Variants in DCBLD2 observed in about 807,000 individuals in gnomAD.
DCBLD2 encodes the protein discoidin, CUB and LCCL domain containing 2.
DCBLD2 carries 54 observed loss-of-function variants against 86.8 expected under a neutral mutation model. The ratio of observed to expected loss-of-function variants is 0.62; its 90% CI spans 0.50 to 0.78. The LOEUF is 0.78. Ranked by LOEUF, DCBLD2 falls within the 30% of genes least tolerant of loss-of-function variation. DCBLD2 has a pLI of 0.00. For missense variants in DCBLD2, 908 were observed against 954.2 expected (o/e 0.95, Z 0.64); for synonymous variants, 354 against 341.3 (o/e 1.04, Z -0.41).
At chr3:98,819,477 C>T in intron 7 of DCBLD2, 60 bp from the exon 8 acceptor site, 2 of 1,556,914 alleles carry the variant, frequency 1.3e-6, no homozygotes, top group Middle Eastern at 1.7e-4. Context: ...GCATGTAGAC[C>T]TGCTCACTGA....
rs1269250609 is a variant in DCBLD2, at chr3:98,811,141, G to A, written c.1576+53C>T. ...TTTAAAAATGCCCGTGAAAACTTCA[G>A]TTAAGAACAAAACAATACTATGTAC... On this transcript the variant is annotated intron_variant, in intron 12 of 15. Coordinates refer to ENST00000326840, the MANE Select transcript of DCBLD2 (RefSeq NM_080927.4). 42 of 1,473,642 alleles carry A rather than the reference G, an allele frequency of 2.9e-5. No individual in the cohort carries two copies. In the South Asian group the frequency reaches 6.2e-4, roughly 22 times the overall value. The allele number at this position is 1,473,642 out of a possible 1,614,324, so 91.3% of individuals were successfully genotyped here. A position where few individuals can be genotyped will look rare whatever the true frequency, so the allele number is the denominator to read the frequency against.
chr3:98,819,689 C>T (rs1241975458), intron 7 of DCBLD2, among the ~76,000 whole-genome samples: 1 of 152,192 alleles, frequency 6.6e-6, no homozygotes, highest in Non-Finnish European at 1.5e-5. Flanking sequence ...TCCCAAATAA[C>T]TGAGTAACTC....
At chr3:98,839,523 T>G (rs1043941046) in intron 3 of DCBLD2, among the ~76,000 whole-genome samples, 2 of 152,186 alleles carry the variant, frequency 1.3e-5, no homozygotes, top group African/African-American at 4.8e-5. Context: ...AAAGAAACTA[T>G]CATAGAATAA....
chr3:98,898,035 A>T (rs1289842893), intron 1 of DCBLD2, among the ~76,000 whole-genome samples: 1 of 152,122 alleles, frequency 6.6e-6, no homozygotes, highest in Non-Finnish European at 1.5e-5. Context: ...TTACAGAAAA[A>T]AAGTCTTCAA....
chr3:98,855,210 T>G (rs989282486), intron 2 of DCBLD2, among the ~76,000 whole-genome samples: 41 of 152,148 alleles, frequency 2.7e-4, no homozygotes, highest in African/African-American at 9.2e-4. Flanking sequence ...ACAAAGATAT[T>G]TAAATGGATA....
intron 2 of DCBLD2, among the ~76,000 whole-genome samples, chr3:98,876,845 C>T (rs2107517893): frequency 6.6e-6 from 1 of 152,230 alleles, no homozygotes; most frequent in East Asian, 1.9e-4. Context: ...AGAATGAGGA[C>T]TATCCTACAA....
chr3:98,857,379 C>A (rs377188849), intron 2 of DCBLD2, among the ~76,000 whole-genome samples: 2 of 152,178 alleles, frequency 1.3e-5, no homozygotes. Context: ...ACTGCTGGCT[C>A]GCCACTGCTG....
intron 3 of DCBLD2, among the ~76,000 whole-genome samples, chr3:98,829,809 C>T (rs1166604730): frequency 6.6e-6 from 1 of 152,208 alleles, no homozygotes; most frequent in Non-Finnish European, 1.5e-5. Flanking sequence ...GCTTTTAGCA[C>T]TCTGAGCAAT....
Position 98,798,060 on chromosome 3 carries a change from TG to T in DCBLD2, c.*1311del, listed in dbSNP as rs1941645782. ...ATTTTGCCATGTCTAAAACTAGCTCTGGGCAGGTATGAACAAGTGGTGACAT... is the reference window on the plus strand; with the variant it reads ...ATTTTGCCATGTCTAAAACTAGCTCTGGCAGGTATGAACAAGTGGTGACAT... On this transcript the variant is annotated 3_prime_UTR_variant, in exon 16 of 16. Coordinates refer to ENST00000326840, the MANE Select transcript of DCBLD2 (RefSeq NM_080927.4). 6.6e-6 allele frequency: 1 copy of T among 152,206 alleles called. No individual in the cohort carries two copies. Among genetic ancestry groups the T allele is most frequent in the Non-Finnish European group, 1.5e-5 (1 of 68,028 alleles). The allele number at this position is 152,206 out of a possible 1,614,324, so 9.4% of individuals were successfully genotyped here.
chr3:98,882,871 G>A (rs185623711), intron 1 of DCBLD2, among the ~76,000 whole-genome samples: 14 of 152,210 alleles, frequency 9.2e-5, no homozygotes, highest in East Asian at 7.7e-4. Context: ...GAATAGTGCC[G>A]CAATAAACAT....
At chr3:98,845,198 G>A (rs1240341269) in intron 3 of DCBLD2, among the ~76,000 whole-genome samples, 1 of 152,026 alleles carries the variant, frequency 6.6e-6, no homozygotes, top group Non-Finnish European at 1.5e-5. Flanking sequence ...GAAAACTATT[G>A]CTCAAAGATC....
intron 3 of DCBLD2, among the ~76,000 whole-genome samples, chr3:98,826,855 A>G (rs2107454368): frequency 6.6e-6 from 1 of 152,318 alleles, no homozygotes; most frequent in Non-Finnish European, 1.5e-5. Flanking sequence ...ACGCTTGATT[A>G]AAGAACTGTG....
intron 9 of DCBLD2, among the ~76,000 whole-genome samples, chr3:98,817,447 A>C (rs1942042504): frequency 6.6e-6 from 1 of 152,176 alleles, no homozygotes; most frequent in Non-Finnish European, 1.5e-5. Flanking sequence ...TCATCTGGTG[A>C]ATTGAAAAAA....
chr3:98,887,208 G>C (rs143858213), intron 1 of DCBLD2, among the ~76,000 whole-genome samples: 1 of 151,188 alleles, frequency 6.6e-6, no homozygotes, highest in Non-Finnish European at 1.5e-5. Flanking sequence ...TTGGTGAACT[G>C]GTGAGTCTGA....
Position 98,820,234 on chromosome 3 carries a change from C to T in DCBLD2, c.871+14G>A, listed in dbSNP as rs1942094668. ...TATATAAATAAAAAATTATAAAGTC[C>T]ATAAAAGGCTTACCACTTGTCTTAA... On this transcript the variant is annotated intron_variant, in intron 7 of 15. Transcript: ENST00000326840. 4.9e-6 allele frequency: 7 copies of T among 1,431,560 alleles called. No homozygotes were observed. Among genetic ancestry groups the T allele is most frequent in the Non-Finnish European group, 6.4e-6 (7 of 1,090,146 alleles). 88.7% of individuals were successfully genotyped at this position (1,431,560 alleles called of 1,614,324 possible).
chr3:98,874,820 G>A (rs1380755912), intron 2 of DCBLD2, among the ~76,000 whole-genome samples: 1 of 152,196 alleles, frequency 6.6e-6, no homozygotes, highest in East Asian at 1.9e-4. Context: ...GAAGAAGGTG[G>A]CCATCTACAA....
At chr3:98,870,737 A>AAAGAAAG (rs1553731634) in intron 2 of DCBLD2, among the ~76,000 whole-genome samples, 2 of 69,798 alleles carry the variant, frequency 2.9e-5, no homozygotes, top group African/African-American at 5.7e-5. Flanking sequence ...AAAAGAAAGA[A>AAAGAAAG]AAAGAAAGAA....
intron 12 of DCBLD2, among the ~76,000 whole-genome samples, chr3:98,808,694 A>G (rs1250537877): frequency 2.0e-5 from 3 of 152,238 alleles, no homozygotes; most frequent in Non-Finnish European, 4.4e-5. Context: ...TCAAAGTGGC[A>G]AATATTTAAA....
At chr3:98,879,590 T>C (rs1464373327) in intron 2 of DCBLD2, among the ~76,000 whole-genome samples, 3 of 152,172 alleles carry the variant, frequency 2.0e-5, no homozygotes, top group Non-Finnish European at 4.4e-5. Context: ...GGTTTCACCA[T>C]GTTAGCCAGG....
Sources: allele counts gnomAD v4.1 joint callset (sites outside exome capture counted in the v4.1 genomes callset), GRCh38; gene constraint gnomAD v4.1.1; transcripts MANE v1.5; gene names NCBI Gene and HGNC (gene_info 2026-07-23, HGNC 2026-07-21).